ME1: variants seen among roughly 807,000 people sequenced by gnomAD.
The protein encoded by ME1 is NADP-dependent malic enzyme.
Under a neutral mutation model 66.4 loss-of-function variants are expected in ME1, and 74 were observed. That is an observed-to-expected ratio of 1.11 (90% CI 0.92 to 1.35). The LOEUF is 1.35. ME1 is among the 40% of genes most tolerant of loss of function. The pLI is 0.00. For missense variants in ME1, 750 were observed against 694.1 expected (o/e 1.08, Z -0.90); for synonymous variants, 251 against 235.6 (o/e 1.07, Z -0.60).
rs529389760 is a variant in ME1, at chr6:83,315,241, C to G, written c.704+69G>C. 7.7e-6 allele frequency: 7 copies of G among 908,824 alleles called. No individual in the cohort carries two copies. In the African/African-American group the frequency reaches 1.0e-4, roughly 13 times the overall value. The allele number at this position is 908,824 out of a possible 1,614,324, so 56.3% of individuals were successfully genotyped here. ...AATTATTAAACCATATTGCATAAAT[C>G]TTGGATTTTTTAATAGTCTGTTATG... On this transcript the variant is annotated intron_variant, in intron 6 of 13. Coordinates refer to ENST00000369705, the MANE Select transcript of ME1 (RefSeq NM_002395.6).
chr6:83,262,114 C>T (rs1766911113), intron 6 of ME1, among the ~76,000 whole-genome samples: 1 of 151,618 alleles, frequency 6.6e-6, no homozygotes, highest in Non-Finnish European at 1.5e-5. Flanking sequence ...AATAGGCAAC[C>T]AAGTATAACA....
chr6:83,392,815 G>C (rs534706511), intron 3 of ME1: 2 of 734,638 alleles, frequency 2.7e-6, no homozygotes, highest in Admixed American at 3.5e-5. Flanking sequence ...GTTCGTGATG[G>C]GTGTGAACCA....
intron 5 of ME1, among the ~76,000 whole-genome samples, chr6:83,319,618 A>G (rs1768114804): frequency 6.6e-6 from 1 of 152,228 alleles, no homozygotes; most frequent in African/African-American, 2.4e-5. Context: ...CTGCTAATAC[A>G]GATCATTTCT....
intron 6 of ME1, among the ~76,000 whole-genome samples, chr6:83,257,811 C>G (rs1424338822): frequency 1.3e-5 from 2 of 152,154 alleles, no homozygotes; most frequent in East Asian, 3.8e-4. Flanking sequence ...TTCTACTTCT[C>G]TGGTTTCTAA....
intron 9 of ME1, among the ~76,000 whole-genome samples, chr6:83,236,321 G>T (rs1409558512): frequency 6.6e-6 from 1 of 152,076 alleles, no homozygotes; most frequent in Non-Finnish European, 1.5e-5. Flanking sequence ...ATCTCCATGA[G>T]ATAGATTCTT....
chr6:83,334,016 G>A (rs896116479), intron 5 of ME1, among the ~76,000 whole-genome samples: 6 of 151,950 alleles, frequency 3.9e-5, no homozygotes, highest in African/African-American at 4.9e-5. Context: ...CGTGAGCGAC[G>A]CAGAAGACGG....
At position 83,211,874 on chromosome 6, in the gene ME1, T is replaced by C. The variant is rs1475377133; in HGVS notation, c.*50A>G. 2 of 1,249,442 alleles carry C rather than the reference T, an allele frequency of 1.6e-6. No individual in the cohort carries two copies. The allele number at this position is 1,249,442 out of a possible 1,614,324, so 77.4% of individuals were successfully genotyped here. On this transcript the variant is annotated 3_prime_UTR_variant, in exon 14 of 14. Coordinates refer to ENST00000369705, the MANE Select transcript of ME1 (RefSeq NM_002395.6). ...AAAAGATTCCAACCTTTAAAAATTA[T>C]GAAAGGTTTAAAGACCTCATTAATA...
chr6:83,302,008 T>C (rs1767730250), intron 6 of ME1, among the ~76,000 whole-genome samples: 1 of 152,188 alleles, frequency 6.6e-6, no homozygotes, highest in Non-Finnish European at 1.5e-5. Context: ...CACACGTTGT[T>C]CACTCCAGCA....
chr6:83,398,259 C>T (rs977258514), intron 3 of ME1, 108 bp downstream of exon 3: 2 of 758,836 alleles, frequency 2.6e-6, no homozygotes, highest in African/African-American at 1.8e-5. Flanking sequence ...TAAATATATG[C>T]AATTTTATTG....
chr6:83,293,596 A>G (rs982419055), intron 6 of ME1, among the ~76,000 whole-genome samples: 1 of 152,118 alleles, frequency 6.6e-6, no homozygotes, highest in African/African-American at 2.4e-5. Context: ...TTTAACCAGA[A>G]CAAAAAAAAA....
intron 6 of ME1, among the ~76,000 whole-genome samples, chr6:83,305,721 C>A (rs939666233): frequency 4.1e-4 from 62 of 152,202 alleles, no homozygotes; most frequent in African/African-American, 1.5e-3. Flanking sequence ...ACTGTCAATA[C>A]TAATGTTAGG....
chr6:83,230,237 C>A (rs1366533299), intron 9 of ME1, among the ~76,000 whole-genome samples: 2 of 151,504 alleles, frequency 1.3e-5, no homozygotes, highest in Non-Finnish European at 2.9e-5. Context: ...AGTGCAGTGG[C>A]GCGATCTCGG....
At chr6:83,302,805 G>C (rs1479761705) in intron 6 of ME1, among the ~76,000 whole-genome samples, 4 of 152,138 alleles carry the variant, frequency 2.6e-5, no homozygotes, top group Non-Finnish European at 5.9e-5. Context: ...ATGGTGTAAA[G>C]GATACACGGA....
intron 3 of ME1, among the ~76,000 whole-genome samples, chr6:83,359,176 GCACTCTT>G: frequency 6.6e-6 from 1 of 151,972 alleles, no homozygotes; most frequent in Admixed American, 6.5e-5. Flanking sequence ...TCGGGCAGAG[GCACTCTT>G]CACATCCCAG....
intron 3 of ME1, among the ~76,000 whole-genome samples, chr6:83,389,044 G>A (rs540345760): frequency 2.0e-5 from 3 of 152,162 alleles, no homozygotes; most frequent in East Asian, 1.9e-4. Context: ...ACTTGAATCC[G>A]GGAGACAGAG....
At chr6:83,273,174 C>A (rs1227694849) in intron 6 of ME1, among the ~76,000 whole-genome samples, 1 of 95,440 alleles carries the variant, frequency 1.0e-5, no homozygotes. Flanking sequence ...GAGACTCTGC[C>A]TCAAAAAAAA....
chr6:83,239,302 G>A lies in ME1; in HGVS notation c.912+237C>T, dbSNP rs75537058. 3.8e-4 allele frequency among the ~76,000 whole-genome samples: 58 copies of A among 151,796 alleles called. 1 individual carries two copies. The East Asian group carries it at 8.3e-3, about 22-fold the overall frequency. ...TTAGATATGCATAACAAATACCTACGGCAACATTTGATAATACCACAAATT... is the reference window on the plus strand; with the variant it reads ...TTAGATATGCATAACAAATACCTACAGCAACATTTGATAATACCACAAATT... On this transcript the variant is annotated intron_variant, in intron 8 of 13. Coordinates refer to ENST00000369705, the MANE Select transcript of ME1 (RefSeq NM_002395.6).
At chr6:83,325,222 A>G (rs1562481484) in intron 5 of ME1, among the ~76,000 whole-genome samples, 1 of 152,208 alleles carries the variant, frequency 6.6e-6, no homozygotes. Context: ...TCTCAAAATA[A>G]TAAGAGCTAT....
chr6:83,391,001 T>G (rs1466348423), intron 3 of ME1, among the ~76,000 whole-genome samples: 3 of 152,112 alleles, frequency 2.0e-5, no homozygotes, highest in African/African-American at 7.2e-5. Context: ...CAAATGACAG[T>G]AAGTGAAATA....
Sources: gnomAD v4.1 joint callset for allele counts (sites outside exome capture counted in the v4.1 genomes callset) on GRCh38, gnomAD v4.1.1 for gene constraint, MANE v1.5 for transcripts, NCBI Gene and HGNC (gene_info 2026-07-23, HGNC 2026-07-21) for gene names.